The following DARS1 variants were observed in gnomAD, a reference collection of about 807,000 sequenced individuals.
DARS1 encodes aspartyl-tRNA synthetase 1.
Under a neutral mutation model 68.8 loss-of-function variants are expected in DARS1, and 51 were observed. That is an observed-to-expected ratio of 0.74 (90% CI 0.59 to 0.94). The LOEUF (loss-of-function observed/expected upper bound fraction) is 0.94, where lower values mean the gene tolerates loss of function less well. Ranked by LOEUF, DARS1 falls within the 40% of genes least tolerant of loss-of-function variation. The pLI, the probability that DARS1 is intolerant of heterozygous loss-of-function variation, is 0.00. For synonymous variants in DARS1, 203 were observed against 190.4 expected (o/e 1.07, Z -0.55); for missense variants, 607 against 597.3 (o/e 1.02, Z -0.17).
At chr2:135,922,956 A>C (rs554166824) in intron 8 of DARS1, 38 bp from the exon 9 acceptor site, 1 of 1,430,774 alleles carries the variant, frequency 7.0e-7, no homozygotes, top group East Asian at 2.7e-5. Flanking sequence ...TATTATAATC[A>C]ATTGTAAACT....
chr2:135,912,613 A>G (rs1201330589), intron 12 of DARS1, 47 bp from the exon 13 acceptor site: 1 of 714,642 alleles, frequency 1.4e-6, no homozygotes, highest in Middle Eastern at 3.3e-4. Context: ...AAAAAGTAAA[A>G]TGGCTAACAT....
In DARS1 at chr2:135,982,421, C is replaced by T. The variant is rs189270500; in HGVS notation, c.124+976G>A. On this transcript the variant is annotated intron_variant, in intron 2 of 15. Coordinates refer to ENST00000264161, the MANE Select transcript of DARS1 (RefSeq NM_001349.4). ...GATCAGCCTGGGCAACACAGTGAAA[C>T]CCCATCTCTACTAAAATACAAAAAA... Among the ~76,000 whole-genome samples, 9 of 151,878 alleles carry T rather than the reference C, an allele frequency of 5.9e-5. No homozygotes were observed. The East Asian group carries it at 1.5e-3, about 26-fold the overall frequency.
chr2:135,957,692 A>G (rs1392717545), intron 4 of DARS1, among the ~76,000 whole-genome samples: 1 of 152,148 alleles, frequency 6.6e-6, no homozygotes, highest in African/African-American at 2.4e-5. Context: ...AGAAGTATGC[A>G]CTACTCAACA....
chr2:135,962,983 T>A (rs1379484980), intron 3 of DARS1, among the ~76,000 whole-genome samples: 1 of 152,170 alleles, frequency 6.6e-6, no homozygotes, highest in Non-Finnish European at 1.5e-5. Context: ...ACTCTAATAG[T>A]CCAGACAGAA....
intron 15 of DARS1, among the ~76,000 whole-genome samples, chr2:135,910,226 T>A (rs545979712): frequency 6.6e-6 from 1 of 152,292 alleles, no homozygotes; most frequent in East Asian, 1.9e-4. Flanking sequence ...CTTTGTAATG[T>A]TTAGAAGAAT....
chr2:135,909,064 A>G (rs572977775), intron 15 of DARS1, among the ~76,000 whole-genome samples: 18 of 149,948 alleles, frequency 1.2e-4, no homozygotes, highest in Admixed American at 1.3e-4. Context: ...GTTCTCACTT[A>G]TAAGTGGGAG....
intron 7 of DARS1, among the ~76,000 whole-genome samples, 176 bp downstream of exon 7, chr2:135,932,606 GT>G (rs1681375621): frequency 6.6e-6 from 1 of 152,120 alleles, no homozygotes; most frequent in South Asian, 2.1e-4. Flanking sequence ...AACCGCTCCT[GT>G]TGCCTGCAAT....
At chr2:135,950,370 T>C (rs1371930845) in intron 4 of DARS1, among the ~76,000 whole-genome samples, 2 of 152,224 alleles carry the variant, frequency 1.3e-5, no homozygotes, top group Non-Finnish European at 2.9e-5. Flanking sequence ...TTTCTCTCCA[T>C]ACTATTTTCC....
At chr2:135,908,446 G>A (rs1680831929) in intron 15 of DARS1, among the ~76,000 whole-genome samples, 1 of 152,132 alleles carries the variant, frequency 6.6e-6, no homozygotes, top group African/African-American at 2.4e-5. Flanking sequence ...GGACTGCGGG[G>A]TCAAATGGTA....
chr2:135,979,260 G>A lies in DARS1; in HGVS notation c.217+14C>T, dbSNP rs760973064. ...TCCTTACCGAAAGAGCTTTAATAATGAAACCAATCCTACCTTTAGCTCTGC... is the reference window on the plus strand; with the variant it reads ...TCCTTACCGAAAGAGCTTTAATAATAAAACCAATCCTACCTTTAGCTCTGC... On this transcript the variant is annotated intron_variant, in intron 3 of 15. Coordinates refer to ENST00000264161, the MANE Select transcript of DARS1 (RefSeq NM_001349.4). The A allele has an allele frequency of 8.9e-7, 1 of 1,122,304 alleles. No homozygotes were observed. The allele number at this position is 1,122,304 out of a possible 1,614,324, so 69.5% of individuals were successfully genotyped here.
At chr2:135,942,007 G>A (rs932336517) in intron 5 of DARS1, among the ~76,000 whole-genome samples, 1 of 152,150 alleles carries the variant, frequency 6.6e-6, no homozygotes, top group Non-Finnish European at 1.5e-5. Flanking sequence ...GGAAACAACA[G>A]GTGCTGGAGA....
At chr2:135,944,906 C>T (rs928739209) in intron 4 of DARS1, among the ~76,000 whole-genome samples, 2 of 152,180 alleles carry the variant, frequency 1.3e-5, no homozygotes, top group Non-Finnish European at 2.9e-5. Context: ...TCTCACACAT[C>T]TTCACAAGGA....
intron 3 of DARS1, among the ~76,000 whole-genome samples, chr2:135,965,617 T>G (rs1378665652): frequency 6.6e-6 from 1 of 152,220 alleles, no homozygotes; most frequent in African/African-American, 2.4e-5. Context: ...AACCGTTCCT[T>G]TATAACTTGC....
At chr2:135,910,933 T>C (rs985502571) in intron 15 of DARS1, 2 of 470,478 alleles carry the variant, frequency 4.3e-6, no homozygotes, top group Non-Finnish European at 7.7e-6. Flanking sequence ...TTACAAGACA[T>C]TTGGCTTCTA....
chr2:135,940,818 G>A (rs1396081544), intron 5 of DARS1, among the ~76,000 whole-genome samples: 2 of 152,104 alleles, frequency 1.3e-5, no homozygotes, highest in African/African-American at 4.8e-5. Context: ...AAAGTCTCAG[G>A]ATACAAAATC....
chr2:135,968,658 C>CTTT (rs765797736), intron 3 of DARS1, among the ~76,000 whole-genome samples: 51 of 129,026 alleles, frequency 4.0e-4, no homozygotes, highest in African/African-American at 5.9e-4. Flanking sequence ...GGGGATTCAG[C>CTTT]TTTTTTTTTT....
intron 8 of DARS1, 112 bp downstream of exon 8, chr2:135,924,275 T>C (rs1328276416): frequency 2.8e-5 from 34 of 1,226,858 alleles, no homozygotes; most frequent in Non-Finnish European, 3.2e-5. Context: ...CTCATGGCAA[T>C]AAACCTTAAT....
rs1425360951 is a variant in DARS1 at position 135,983,466 on chromosome 2, GT to G, written c.67-13del. On this transcript the variant is annotated splice_polypyrimidine_tract_variant and intron_variant, in intron 1 of 15. Coordinates refer to ENST00000264161, the MANE Select transcript of DARS1 (RefSeq NM_001349.4). ...TCTTTAGCATAATCCTACAAAAAAA[GT>G]TTTTTGCATCGTGACTTTTTATGTA... is the stretch of plus-strand genomic sequence containing the variant. 1.0e-6 allele frequency: 1 copy of G among 996,912 alleles called. No individual in the cohort carries two copies. The highest frequency in any genetic ancestry group is 1.6e-6 in the Non-Finnish European group (1 of 637,212). 61.8% of individuals were successfully genotyped at this position (996,912 alleles called of 1,614,324 possible).
At chr2:135,977,756 C>A (rs765509842) in intron 3 of DARS1, among the ~76,000 whole-genome samples, 2 of 152,024 alleles carry the variant, frequency 1.3e-5, no homozygotes, top group East Asian at 1.9e-4. Context: ...AATGGTGGCC[C>A]TAAGAGTGAA....
Sources: allele counts gnomAD v4.1 joint callset (sites outside exome capture counted in the v4.1 genomes callset), GRCh38; gene constraint gnomAD v4.1.1; transcripts MANE v1.5; gene names NCBI Gene and HGNC (gene_info 2026-07-23, HGNC 2026-07-21).